Variants in MAML3 observed in about 807,000 individuals in gnomAD.
The protein encoded by MAML3 is mastermind-like protein 3.
In MAML3, 27 loss-of-function variants were observed where a neutral mutation model predicts 101.9. The observed-to-expected ratio is 0.27, with a 90% CI of 0.20 to 0.37. MAML3 has a LOEUF of 0.37. MAML3 is among the 10% of genes least tolerant of loss of function. The probability of loss-of-function intolerance (pLI) is 1.00; values close to 1 mark genes in which losing one functional copy is unlikely to be tolerated. For synonymous variants in MAML3, 501 were observed against 555.9 expected, an observed-to-expected ratio of 0.90 and a Z score of 1.39; for missense variants, 1,316 against 1,444.9, an observed-to-expected ratio of 0.91 and a Z score of 1.45.
rs868215271 is a variant in MAML3, at chr4:139,937,621, C to T, written c.469-46654G>A. 4.5e-4 allele frequency among the ~76,000 whole-genome samples: 68 copies of T among 152,056 alleles called. 2 individuals are homozygous for T. Among genetic ancestry groups the T allele is most frequent in the Non-Finnish European group, 7.4e-5 (5 of 68,022 alleles). ...TAGGCTGGTCTTGAACTCCTGGCCT[C>T]GAGTGATCTGCCCGCCTCAGCCTCC... On this transcript the variant is annotated intron_variant, in intron 1 of 4. Transcript: ENST00000509479.
At chr4:139,815,196 C>T (rs1482831934) in intron 2 of MAML3, among the ~76,000 whole-genome samples, 1 of 152,092 alleles carries the variant, frequency 6.6e-6, no homozygotes, top group Non-Finnish European at 1.5e-5. Flanking sequence ...CACTTAGTAT[C>T]CATAACATGG....
chr4:139,993,741 T>C (rs1560860384), intron 1 of MAML3, among the ~76,000 whole-genome samples: 1 of 152,058 alleles, frequency 6.6e-6, no homozygotes, highest in Non-Finnish European at 1.5e-5. Flanking sequence ...GGAAGGAGAA[T>C]TGCTTGAACC....
Position 139,905,491 on chromosome 4 carries a change from CA to C in MAML3, c.469-14525del, listed in dbSNP as rs57898254. Among the ~76,000 whole-genome samples the C allele has an allele frequency of 8.8e-4, 70 of 79,966 alleles. 1 individual carries two copies. The highest frequency in any genetic ancestry group is 1.6e-3 in the East Asian group (5 of 3,182). The allele number at this position is 79,966 out of a possible 152,430, so 52.5% of individuals were successfully genotyped here. On this transcript the variant is annotated intron_variant, in intron 1 of 4. Coordinates refer to ENST00000509479, the MANE Select transcript of MAML3 (RefSeq NM_018717.5). ...CGGGCGGCAGAGCAAGACTCTGTCT[CA>C]AAAAAAAAAAAAAAAATCAGTTAAA... is the stretch of plus-strand genomic sequence containing the variant.
intron 2 of MAML3, among the ~76,000 whole-genome samples, chr4:139,883,170 A>C (rs1181252488): frequency 6.6e-6 from 1 of 152,210 alleles, no homozygotes; most frequent in Non-Finnish European, 1.5e-5. Flanking sequence ...AGTGGACAGA[A>C]CCAACAGGGC....
chr4:139,862,006 C>T (rs944640328), intron 2 of MAML3, among the ~76,000 whole-genome samples: 1 of 151,948 alleles, frequency 6.6e-6, no homozygotes, highest in African/African-American at 2.4e-5. Flanking sequence ...GTCAGGAGTT[C>T]GAGACCAGCA....
chr4:139,967,191 A>G (rs1734148888), intron 1 of MAML3, among the ~76,000 whole-genome samples: 1 of 152,108 alleles, frequency 6.6e-6, no homozygotes, highest in African/African-American at 2.4e-5. Context: ...CTCACTGCTA[A>G]GTAAAAAGAG....
At chr4:139,761,388 G>T (rs1029542078) in intron 2 of MAML3, among the ~76,000 whole-genome samples, 1 of 152,080 alleles carries the variant, frequency 6.6e-6, no homozygotes, top group African/African-American at 2.4e-5. Context: ...AGAGTCTGGA[G>T]GGGGCGTTAG....
intron 2 of MAML3, among the ~76,000 whole-genome samples, chr4:139,741,703 T>A (rs947915569): frequency 1.3e-5 from 2 of 152,338 alleles, no homozygotes; most frequent in African/African-American, 4.8e-5. Context: ...GCTGTGATTG[T>A]GCCACTGCAC....
chr4:140,060,396 T>G (rs1231455066), intron 1 of MAML3, among the ~76,000 whole-genome samples: 1 of 40,920 alleles, frequency 2.4e-5, no homozygotes. Flanking sequence ...GTCACAAGCC[T>G]GAAATCAAAG....
chr4:139,809,642 A>AC (rs1730759169), intron 2 of MAML3, among the ~76,000 whole-genome samples: 1 of 152,100 alleles, frequency 6.6e-6, no homozygotes, highest in African/African-American at 2.4e-5. Context: ...AACTCTGTGG[A>AC]CCCAAAACCA....
intron 1 of MAML3, among the ~76,000 whole-genome samples, chr4:140,085,374 G>C (rs117293623): frequency 6.6e-6 from 1 of 152,026 alleles, no homozygotes; most frequent in Non-Finnish European, 1.5e-5. Flanking sequence ...GGGACAGAGC[G>C]CAGGCCCCAG....
chr4:140,048,431 A>T (rs777774287), intron 1 of MAML3, among the ~76,000 whole-genome samples: 2 of 152,204 alleles, frequency 1.3e-5, no homozygotes, highest in Non-Finnish European at 2.9e-5. Context: ...AACTGAAGAA[A>T]GTCTCCTTGT....
chr4:139,842,675 G>A (rs543253167), intron 2 of MAML3, among the ~76,000 whole-genome samples: 3 of 143,666 alleles, frequency 2.1e-5, no homozygotes, highest in South Asian at 2.2e-4. Flanking sequence ...GTGCCACCAC[G>A]CCCAGCTAAT....
chr4:139,938,309 C>A (rs1028604804), intron 1 of MAML3, among the ~76,000 whole-genome samples: 3 of 152,132 alleles, frequency 2.0e-5, no homozygotes. Flanking sequence ...GAGACCCTAC[C>A]GACCATCTAG....
intron 1 of MAML3, among the ~76,000 whole-genome samples, chr4:140,000,955 G>A (rs1039998491): frequency 1.3e-5 from 2 of 152,128 alleles, no homozygotes; most frequent in Non-Finnish European, 2.9e-5. Context: ...TTGAACCTGG[G>A]AGGTGGACGT....
intron 1 of MAML3, among the ~76,000 whole-genome samples, chr4:140,045,268 G>A (rs1727162788): frequency 6.6e-6 from 1 of 151,988 alleles, no homozygotes; most frequent in Admixed American, 6.6e-5. Context: ...GGTGGCAGGT[G>A]CCTGTAATCC....
intron 1 of MAML3, among the ~76,000 whole-genome samples, chr4:140,100,939 T>TA (rs1376833456): frequency 6.6e-6 from 1 of 152,140 alleles, no homozygotes; most frequent in Non-Finnish European, 1.5e-5. Flanking sequence ...CTGTAAGAAA[T>TA]ATGAGTACCC....
At chr4:139,852,499 G>A (rs1242325699) in intron 2 of MAML3, among the ~76,000 whole-genome samples, 1 of 137,180 alleles carries the variant, frequency 7.3e-6, no homozygotes, top group Non-Finnish European at 1.5e-5. Flanking sequence ...TGCAACCTCT[G>A]CTTCCCGGGT....
At chr4:140,107,607 C>T (rs1221548051) in intron 1 of MAML3, among the ~76,000 whole-genome samples, 4 of 151,500 alleles carry the variant, frequency 2.6e-5, no homozygotes, top group East Asian at 2.0e-4. Flanking sequence ...CGAGTTCAAG[C>T]GATTCTCCTG....
Sources: gnomAD v4.1 joint callset for allele counts (sites outside exome capture counted in the v4.1 genomes callset) on GRCh38, gnomAD v4.1.1 for gene constraint, MANE v1.5 for transcripts, NCBI Gene and HGNC (gene_info 2026-07-23, HGNC 2026-07-21) for gene names.